The following COL16A1 variants were observed in gnomAD, a reference collection of about 807,000 sequenced individuals.
The protein encoded by COL16A1 is collagen alpha-1(XVI) chain.
A neutral mutation model predicts 266.3 loss-of-function variants in COL16A1; 189 were observed. The ratio of observed to expected loss-of-function variants is 0.71; its 90% CI spans 0.63 to 0.80. COL16A1 has a LOEUF of 0.80. Ranked by LOEUF, COL16A1 falls within the 30% of genes least tolerant of loss-of-function variation. The pLI, the probability that COL16A1 is intolerant of heterozygous loss-of-function variation, is 0.00. For missense variants in COL16A1, 1,928 were observed against 2,122.4 expected (o/e 0.91, Z 1.80); for synonymous variants, 740 against 782.3 (o/e 0.95, Z 0.90).
intron 16 of COL16A1, 44 bp from the exon 17 acceptor site, chr1:31,692,111 T>C: frequency 6.2e-7 from 1 of 1,612,404 alleles, no homozygotes; most frequent in Non-Finnish European, 8.5e-7. Flanking sequence ...GGGAAGGGCC[T>C]GGGACAGCTG....
At position 31,685,571 on chromosome 1, in the gene COL16A1, ACCC is replaced by A. The variant is rs963505308; in HGVS notation, c.2016+65_2016+67del. 5 of 1,422,420 alleles carry A rather than the reference ACCC, an allele frequency of 3.5e-6. No homozygotes were observed. The highest frequency in any genetic ancestry group is 1.9e-5 in the Admixed American group (1 of 53,862). 88.1% of individuals were successfully genotyped at this position (1,422,420 alleles called of 1,614,324 possible). A position where few individuals can be genotyped will look rare whatever the true frequency, so the allele number is the denominator to read the frequency against. On this transcript the variant is annotated intron_variant, in intron 29 of 70. Coordinates refer to ENST00000373672, the MANE Select transcript of COL16A1 (RefSeq NM_001856.4). The surrounding 1 kb of genome is among the most constrained non-coding windows in gnomAD (Gnocchi z 4.0). ...CAGGGAGTCAAGAGACCCAGGCAGG[ACCC>A]CTCCCCTCTCCTTAGCCCCGCCTGC...
intron 26 of COL16A1, 62 bp from the exon 27 acceptor site, chr1:31,686,341 C>T: frequency 6.2e-7 from 1 of 1,611,234 alleles, no homozygotes; most frequent in Non-Finnish European, 8.5e-7. Context: ...TAGAGCAATC[C>T]CAAACCCAAA....
chr1:31,682,351 T>C (rs545110286), intron 37 of COL16A1, among the ~76,000 whole-genome samples: 51 of 152,354 alleles, frequency 3.3e-4, no homozygotes, highest in Non-Finnish European at 5.9e-4. Context: ...CTGTGCCGTC[T>C]GATACAGTAG....
At position 31,661,349 on chromosome 1, in the gene COL16A1, A is replaced by G. The variant is rs1641644815; in HGVS notation, c.3771+65T>C. On this transcript the variant is annotated intron_variant, in intron 60 of 70. Coordinates refer to ENST00000373672, the MANE Select transcript of COL16A1 (RefSeq NM_001856.4). ...CTCTGCCCAGGATAGGCTGCCATGT[A>G]TGCCTGGGGGCAAGCCTTCAGGAGA... 18 of 1,611,134 alleles carry G rather than the reference A, an allele frequency of 1.1e-5. No individual in the cohort carries two copies. In the South Asian group the frequency reaches 1.6e-4, roughly 15 times the overall value.
At chr1:31,660,716 C>A in intron 61 of COL16A1, 78 bp from the exon 62 acceptor site, 1 of 1,593,732 alleles carries the variant, frequency 6.3e-7, no homozygotes, top group Admixed American at 1.7e-5. Flanking sequence ...TGGGAGGGGG[C>A]TGGGCAGAAT....
At chr1:31,699,563 C>T (rs569119180) in intron 4 of COL16A1, among the ~76,000 whole-genome samples, 10 of 152,352 alleles carry the variant, frequency 6.6e-5, no homozygotes, top group Admixed American at 5.2e-4. Context: ...TCTCACAGTG[C>T]CCACAGGATG....
Position 31,684,814 on chromosome 1 carries a change from C to T in COL16A1, c.2052+7G>A, listed in dbSNP as rs1271742029. 2.5e-6 allele frequency: 4 copies of T among 1,613,996 alleles called. No homozygotes were observed. The highest frequency in any genetic ancestry group is 2.2e-5 in the East Asian group (1 of 44,894). On this transcript the variant is annotated splice_region_variant and intron_variant, in intron 30 of 70. Coordinates refer to ENST00000373672, the MANE Select transcript of COL16A1 (RefSeq NM_001856.4). ...GCCCACCCCCGTGCCCACGGACGCC[C>T]TCTCACCTTCTGCCCCTTCAGTCCA...
chr1:31,690,418 T>A (rs371337431), intron 21 of COL16A1, 25 bp from the exon 22 acceptor site: 2 of 1,614,182 alleles, frequency 1.2e-6, no homozygotes, highest in Non-Finnish European at 1.7e-6. Context: ...GCAATGGGCA[T>A]CAGTGCCAGG....
intron 22 of COL16A1, 58 bp downstream of exon 22, chr1:31,690,309 T>C: frequency 6.2e-7 from 1 of 1,610,350 alleles, no homozygotes; most frequent in Non-Finnish European, 8.5e-7. Context: ...CTCACTGTCA[T>C]GTGCAGAAAG....
chr1:31,666,462 C>T (rs10914463), intron 52 of COL16A1: 147,664 of 264,712 alleles, frequency 0.56, 42,152 homozygotes, highest in South Asian at 0.61. Context: ...CCAGCCACCC[C>T]TTCCCACTTC....
rs1641791539 is a variant in COL16A1, at chr1:31,662,676, C to CG, written c.3556-19_3556-18insC. ...TCGCTGCCCTGGAAACCAGCGCCGC[C>CG]CCCCCCCCCCGCCCCACAATAAAGT... On this transcript the variant is annotated intron_variant, in intron 56 of 70. Transcript: ENST00000373672. 1.9e-5 allele frequency: 19 copies of CG among 983,128 alleles called. No homozygotes were observed. The highest frequency in any genetic ancestry group is 2.8e-5 in the East Asian group (1 of 35,422). The allele number at this position is 983,128 out of a possible 1,614,324, so 60.9% of individuals were successfully genotyped here. A position where few individuals can be genotyped will look rare whatever the true frequency, so the allele number is the denominator to read the frequency against.
chr1:31,652,717 G>A lies in COL16A1; in HGVS notation c.4749C>T (p.Cys1583=). Residue 1583 remains cysteine, a synonymous_variant, in exon 71 of 71, where the codon TGC becomes TGT. Transcript: ENST00000373672. This position sits in a 1 kb window ranked among gnomAD's most constrained non-coding sequence, Gnocchi z 4.8. Reference sequence around the variant, plus strand: ...GCTGCTCCATCGGCATGGCCCCAAAGCAGTCAGAGGGATTACAGTGGCCAG... The same window carrying A: ...GCTGCTCCATCGGCATGGCCCCAAAACAGTCAGAGGGATTACAGTGGCCAG... ...GKAGHCNPSD[C]FGAMPMEQQY... 6.2e-7 allele frequency: 1 copy of A among 1,608,032 alleles called. No individual in the cohort carries two copies. Among genetic ancestry groups the A allele is most frequent in the Admixed American group, 1.7e-5 (1 of 57,980 alleles).
Position 31,686,084 on chromosome 1 carries a change from G to A in COL16A1, c.1884+7C>T, listed in dbSNP as rs761003005. The A allele has an allele frequency of 3.1e-6, 5 of 1,613,982 alleles. No homozygotes were observed. The highest frequency in any genetic ancestry group is 1.7e-6 in the Non-Finnish European group (2 of 1,179,966). ...GGCTGCAGCACGGAGAATGTCCCCA[G>A]ACTCACCTTCGCCCCTTTGATGCCT... On this transcript the variant is annotated splice_region_variant and intron_variant, in intron 28 of 70. Coordinates refer to ENST00000373672, the MANE Select transcript of COL16A1 (RefSeq NM_001856.4).
rs895402625 is a variant in COL16A1, at chr1:31,652,500, T to C, written c.*151A>G. On this transcript the variant is annotated 3_prime_UTR_variant, in exon 71 of 71. Coordinates refer to ENST00000373672, the MANE Select transcript of COL16A1 (RefSeq NM_001856.4). This position sits in a 1 kb window ranked among gnomAD's most constrained non-coding sequence, Gnocchi z 4.8. The stretch of plus-strand genomic sequence containing the variant: ...AACCCACTGGAAGGGAAAGGGCAGA[T>C]AGTTTTGTTTCTTTATTATTTAAAA... The C allele has an allele frequency of 2.1e-6, 2 of 935,450 alleles. No homozygotes were observed. Among genetic ancestry groups the C allele is most frequent in the Middle Eastern group, 3.7e-4 (1 of 2,694 alleles). 57.9% of individuals were successfully genotyped at this position (935,450 alleles called of 1,614,324 possible). A position where few individuals can be genotyped will look rare whatever the true frequency, so the allele number is the denominator to read the frequency against.
At position 31,691,277 on chromosome 1, in the gene COL16A1, A is replaced by G. The variant is rs932200403; in HGVS notation, c.1399-51T>C. ...GAAGTTTCCAGGGACCACTCGCTAC[A>G]GCGAGATCTTCTACCCTCACCCTCT... On this transcript the variant is annotated intron_variant, in intron 19 of 70. Coordinates refer to ENST00000373672, the MANE Select transcript of COL16A1 (RefSeq NM_001856.4). 6.2e-6 allele frequency: 10 copies of G among 1,607,856 alleles called. No individual in the cohort carries two copies. The African/African-American group carries it at 1.2e-4, about 19-fold the overall frequency.
rs767259302 is a variant in COL16A1, at chr1:31,679,825, G to A, written c.2697C>T (p.Ser899=). ...ACACCTGCGGGCCCGGCTGCCAGGA[G>A]CTGCCCATCCAAAGTCCCGGAGCAC... ...MPGAPGLWMG[S]SWQPGPQGPP... is the part of the protein sequence containing the mutation. Residue 899 remains serine (S), a synonymous_variant, in exon 41 of 71, where the codon AGC becomes AGT. Coordinates refer to ENST00000373672, the MANE Select transcript of COL16A1 (RefSeq NM_001856.4). 9.7e-6 allele frequency: 15 copies of A among 1,543,636 alleles called. No homozygotes were observed. The East Asian group carries it at 3.0e-4, about 31-fold the overall frequency.
In COL16A1 at chr1:31,691,458, CG is replaced by C. The variant is rs752762639; in HGVS notation, c.1356del (p.Gly453AlafsTer8). On this transcript the variant is annotated frameshift_variant, in exon 19 of 71. Transcript: ENST00000373672. LOFTEE classifies it high-confidence loss of function. ...CCTATCCCAGGGGGTCCAGGGAGGC[CG>C]GGGGGCCCAGGCTCTCCTGCCAGCC... ...PEGLAGEPGP[P>X]GLPGPPGIGL... The C allele has an allele frequency of 2.5e-6, 4 of 1,612,930 alleles. No homozygotes were observed. Among genetic ancestry groups the C allele is most frequent in the African/African-American group, 1.3e-5 (1 of 74,994 alleles).
intron 8 of COL16A1, among the ~76,000 whole-genome samples, chr1:31,696,422 G>A (rs1204504415): frequency 6.6e-6 from 1 of 151,510 alleles, no homozygotes; most frequent in African/African-American, 2.4e-5. Context: ...TGCCCGAGCG[G>A]GCAGGGAGAG....
intron 62 of COL16A1, chr1:31,659,836 G>A (rs1220248827): frequency 6.6e-6 from 1 of 152,042 alleles, no homozygotes; most frequent in Non-Finnish European, 1.5e-5. Context: ...ACGCTTCTGA[G>A]TGCACCTCCC....
Sources: gnomAD v4.1 joint callset for allele counts (sites outside exome capture counted in the v4.1 genomes callset) on GRCh38, gnomAD v4.1.1 for gene constraint, Gnocchi (gnomAD v3.1) non-coding constraint, MANE v1.5 for transcripts, NCBI Gene and HGNC (gene_info 2026-07-23, HGNC 2026-07-21) for gene names.